The following AGXT variants were observed in gnomAD, a reference collection of about 807,000 sequenced individuals.
AGXT encodes alanine--glyoxylate aminotransferase.
A neutral mutation model predicts 46.9 loss-of-function variants in AGXT; 41 were observed. That is an observed-to-expected ratio of 0.88 (90% CI 0.68 to 1.14). The LOEUF (loss-of-function observed/expected upper bound fraction) is 1.14, where lower values mean the gene tolerates loss of function less well. AGXT is among the 50% of genes most tolerant of loss of function. AGXT has a pLI of 0.00. For missense variants in AGXT, 525 were observed against 522.7 expected, an observed-to-expected ratio of 1.00 and a Z score of -0.04; for synonymous variants, 244 against 227.9, an observed-to-expected ratio of 1.07 and a Z score of -0.64.
chr2:240,873,530 G>A (rs1023450880), intron 5 of AGXT: 5 of 269,086 alleles, frequency 1.9e-5, no homozygotes, highest in Non-Finnish European at 2.8e-5. Context: ...GTGCCCATCC[G>A]CTTACGGGAG....
At chr2:240,875,077 G>A in intron 6 of AGXT, 32 bp from the exon 7 acceptor site, 1 of 1,554,326 alleles carries the variant, frequency 6.4e-7, no homozygotes, top group African/African-American at 1.4e-5. Context: ...CAAACTGAGA[G>A]GCTGGTGCTC....
intron 7 of AGXT, among the ~76,000 whole-genome samples, chr2:240,875,448 T>C (rs1170773100): frequency 6.6e-6 from 1 of 152,156 alleles, no homozygotes; most frequent in Admixed American, 6.5e-5. Flanking sequence ...CCACAAACAC[T>C]GTCCCCCCAG....
At chr2:240,873,235 G>A (rs2059001445) in intron 5 of AGXT, 186 bp downstream of exon 5, 2 of 593,502 alleles carry the variant, frequency 3.4e-6, no homozygotes, top group Non-Finnish European at 3.0e-6. Flanking sequence ...CAGCACCCCA[G>A]TGTTTCCACT....
chr2:240,869,846 G>A (rs920303033), intron 2 of AGXT, among the ~76,000 whole-genome samples: 3 of 152,202 alleles, frequency 2.0e-5, no homozygotes, highest in African/African-American at 7.2e-5. Flanking sequence ...TTTTCTGGGA[G>A]AGACACAGGA....
intron 10 of AGXT, 53 bp downstream of exon 10, chr2:240,878,203 C>T (rs1182539767): frequency 8.1e-6 from 13 of 1,605,956 alleles, no homozygotes; most frequent in African/African-American, 2.7e-5. Flanking sequence ...CGCCACCCCT[C>T]CTTGAGCAGG....
intron 5 of AGXT, 166 bp downstream of exon 5, chr2:240,873,215 A>G: frequency 3.2e-6 from 2 of 628,322 alleles, no homozygotes; most frequent in Admixed American, 2.6e-5. Flanking sequence ...GAGCGGCTCC[A>G]TGAACTACCC....
intron 3 of AGXT, 44 bp downstream of exon 3, chr2:240,870,752 G>A: frequency 6.5e-7 from 1 of 1,537,758 alleles, no homozygotes; most frequent in East Asian, 2.4e-5. Flanking sequence ...GGAGGTGGGA[G>A]TGGGCATGCT....
At chr2:240,873,932 C>T (rs767357690) in intron 5 of AGXT, 46 bp from the exon 6 acceptor site, 2 of 1,574,454 alleles carry the variant, frequency 1.3e-6, no homozygotes, top group South Asian at 1.1e-5. Flanking sequence ...GACTGGCCTG[C>T]CCTGAGGTGG....
chr2:240,879,326 A>G lies in AGXT; in HGVS notation c.*505A>G, dbSNP rs1464233525. The G allele has an allele frequency of 9.6e-6, 2 of 208,788 alleles. No homozygotes were observed. Among genetic ancestry groups the G allele is most frequent in the South Asian group, 8.4e-5 (1 of 11,866 alleles). The allele number at this position is 208,788 out of a possible 1,614,324, so 12.9% of individuals were successfully genotyped here. On this transcript the variant is annotated 3_prime_UTR_variant, in exon 11 of 11. Coordinates refer to ENST00000307503, the MANE Select transcript of AGXT (RefSeq NM_000030.3). ...ACATCCAGGTGAACCCACACGGCGCACAGGGCTGGTTGGAGACCCCTGTCA... is the reference window on the plus strand; with the variant it reads ...ACATCCAGGTGAACCCACACGGCGCGCAGGGCTGGTTGGAGACCCCTGTCA...
intron 6 of AGXT, among the ~76,000 whole-genome samples, chr2:240,874,423 C>T (rs1305372852): frequency 6.6e-6 from 1 of 152,222 alleles, no homozygotes; most frequent in East Asian, 1.9e-4. Context: ...GGGCCACACA[C>T]AGTGCCCCCT....
intron 2 of AGXT, 140 bp from the exon 3 acceptor site, chr2:240,870,504 C>T: frequency 5.2e-6 from 5 of 954,394 alleles, no homozygotes; most frequent in Non-Finnish European, 8.0e-6. Context: ...GTCCACCCTC[C>T]TCTTCAGGCA....
intron 7 of AGXT, among the ~76,000 whole-genome samples, 184 bp from the exon 8 acceptor site, chr2:240,875,751 C>T (rs1425621317): frequency 1.3e-5 from 2 of 152,260 alleles, no homozygotes; most frequent in Non-Finnish European, 2.9e-5. Flanking sequence ...AAGCCATGCT[C>T]TCCCTGGCAG....
intron 2 of AGXT, among the ~76,000 whole-genome samples, chr2:240,869,655 G>T (rs2058980776): frequency 6.6e-6 from 1 of 152,196 alleles, no homozygotes; most frequent in African/African-American, 2.4e-5. Context: ...TCTGGTCCCA[G>T]CACACACTCC....
Position 240,875,955 on chromosome 2 carries a change from T to C in AGXT, c.797T>C (p.Val266Ala), listed in dbSNP as rs776013100. 2.5e-6 allele frequency: 4 copies of C among 1,614,124 alleles called. No homozygotes were observed. The highest frequency in any genetic ancestry group is 3.4e-6 in the Non-Finnish European group (4 of 1,180,018). ...QPRMYHHTIP[V>A]ISLYSLRESL... Reference sequence around the variant, plus strand: ...TCCAGGTACCATCACACAATCCCCGTCATCAGCCTGTACAGCCTGAGAGAG... The same window carrying C: ...TCCAGGTACCATCACACAATCCCCGCCATCAGCCTGTACAGCCTGAGAGAG... The change falls in exon 8 of 11, where the codon GTC becomes GCC. Residue 266 changes from valine (V) to alanine (A), a missense_variant. Physicochemically the swap from Val to Ala is moderately conservative, Grantham distance 64. Coordinates refer to ENST00000307503, the MANE Select transcript of AGXT (RefSeq NM_000030.3).
At position 240,877,602 on chromosome 2, in the gene AGXT, A is replaced by C; in HGVS notation, c.912A>C (p.Ala304=). The change falls in exon 9 of 11, where the codon GCA becomes GCC. Residue 304 remains alanine (A), a synonymous_variant. Transcript: ENST00000307503. ...AAAYLHGRLQ[A]LGLQLFVKDP... ...CGTATCTGCATGGGCGCCTGCAGGC[A>C]CTGGGGCTGCAGCTCTTCGTGAAGG... 1 of 1,550,914 alleles carries C rather than the reference A, an allele frequency of 6.4e-7. No homozygotes were observed. Among genetic ancestry groups the C allele is most frequent in the South Asian group, 1.2e-5 (1 of 84,078 alleles).
At chr2:240,874,248 C>T (rs778530579) in intron 6 of AGXT, among the ~76,000 whole-genome samples, 186 bp downstream of exon 6, 11 of 151,976 alleles carry the variant, frequency 7.2e-5, no homozygotes, top group Non-Finnish European at 1.2e-4. Context: ...GGAGGCCGGG[C>T]GAGGGGAGGG....
In AGXT at chr2:240,872,966, C is replaced by T; in HGVS notation, c.525-13C>T. ...TCACCTGCTGCCCTCCATTCTGTCC[C>T]CCACCTCTCCAGGTACAAGTGCCTG... is the stretch of plus-strand genomic sequence containing the variant. On this transcript the variant is annotated splice_polypyrimidine_tract_variant and intron_variant, in intron 4 of 10. Transcript: ENST00000307503. 6.2e-7 allele frequency: 1 copy of T among 1,613,598 alleles called. No homozygotes were observed. Among genetic ancestry groups the T allele is most frequent in the South Asian group, 1.1e-5 (1 of 91,074 alleles).
Position 240,869,168 on chromosome 2 carries a change from A to G in AGXT, c.166-2A>G, listed in dbSNP as rs2058977825. 4 of 1,612,876 alleles carry G rather than the reference A, an allele frequency of 2.5e-6. No individual in the cohort carries two copies. Among genetic ancestry groups the G allele is most frequent in the Non-Finnish European group, 2.5e-6 (3 of 1,179,674 alleles). The stretch of plus-strand genomic sequence containing the variant: ...GTCTCACCCTATACCACCCGCATGC[A>G]GATCATGGACGAGATCAAGGAAGGC... On this transcript the variant is annotated splice_acceptor_variant, in intron 1 of 10. Coordinates refer to ENST00000307503, the MANE Select transcript of AGXT (RefSeq NM_000030.3). LOFTEE classifies it high-confidence loss of function.
At chr2:240,873,129 C>G in intron 5 of AGXT, 80 bp downstream of exon 5, 1 of 1,256,646 alleles carries the variant, frequency 8.0e-7, no homozygotes, top group Non-Finnish European at 1.2e-6. Flanking sequence ...TGGAAGCGTG[C>G]GTCCAGCAGC....
Sources: gnomAD v4.1 joint callset for allele counts (sites outside exome capture counted in the v4.1 genomes callset) on GRCh38, gnomAD v4.1.1 for gene constraint, MANE v1.5 for transcripts, NCBI Gene and HGNC (gene_info 2026-07-23, HGNC 2026-07-21) for gene names.